Variants in NCKAP5 observed in about 807,000 individuals in gnomAD.
NCKAP5 encodes NCK associated protein 5.
A neutral mutation model predicts 167.0 loss-of-function variants in NCKAP5; 92 were observed. The ratio of observed to expected loss-of-function variants is 0.55; its 90% CI spans 0.47 to 0.66. The LOEUF is 0.66. Ranked by LOEUF, NCKAP5 falls within the 30% of genes least tolerant of loss-of-function variation. NCKAP5 has a pLI of 0.00. For missense variants in NCKAP5, 2,378 were observed against 2,315.0 expected, an observed-to-expected ratio of 1.03 and a Z score of -0.56; for synonymous variants, 891 against 877.4, an observed-to-expected ratio of 1.02 and a Z score of -0.27.
At chr2:133,609,191 C>T in the NCKAP5 span, among the ~76,000 whole-genome samples, 1 of 152,096 alleles carries the variant, frequency 6.6e-6, no homozygotes, top group East Asian at 1.9e-4. Context: ...CTCATTTTAG[C>T]CTGCTTTGTG....
chr2:133,076,180 T>C (rs1175914000), intron 6 of NCKAP5, among the ~76,000 whole-genome samples: 1 of 152,188 alleles, frequency 6.6e-6, no homozygotes, highest in Non-Finnish European at 1.5e-5. Flanking sequence ...AAAAATAAAT[T>C]AAAAACCTAC....
At chr2:133,606,027 G>A in the NCKAP5 span, among the ~76,000 whole-genome samples, 1 of 151,886 alleles carries the variant, frequency 6.6e-6, no homozygotes, top group Non-Finnish European at 1.5e-5. Context: ...AGGTTAATGT[G>A]GAAAAAAAAT....
intron 5 of NCKAP5, among the ~76,000 whole-genome samples, chr2:133,135,561 A>G (rs2082760489): frequency 6.6e-6 from 1 of 152,184 alleles, no homozygotes; most frequent in Non-Finnish European, 1.5e-5. Context: ...GTATGGAGAA[A>G]GAACTAACAG....
intron 8 of NCKAP5, among the ~76,000 whole-genome samples, chr2:132,905,408 C>A (rs907200456): frequency 2.0e-5 from 3 of 152,116 alleles, no homozygotes; most frequent in Non-Finnish European, 4.4e-5. Flanking sequence ...ATTTGTGAGT[C>A]CTCTCTTTTC....
At chr2:133,142,556 G>A (rs7561032) in intron 5 of NCKAP5, among the ~76,000 whole-genome samples, 27,438 of 151,946 alleles carry the variant, frequency 0.18, 2,701 homozygotes, top group Middle Eastern at 0.22. Context: ...GCCCTTTCTC[G>A]TTCAGAAGTG....
intron 15 of NCKAP5, among the ~76,000 whole-genome samples, 185 bp from the exon 16 acceptor site, chr2:132,774,079 G>A (rs772379855): frequency 8.5e-5 from 13 of 152,068 alleles, no homozygotes; most frequent in East Asian, 5.8e-4. Flanking sequence ...CTACTTTTCC[G>A]CACTCCATCA....
chr2:133,621,583 A>G, the NCKAP5 span, among the ~76,000 whole-genome samples: 1 of 142,338 alleles, frequency 7.0e-6, no homozygotes. Flanking sequence ...CAAGATAAAG[A>G]ATCTCTGAAC....
At chr2:133,122,346 G>A (rs931940462) in intron 6 of NCKAP5, 3 of 152,186 alleles carry the variant, frequency 2.0e-5, no homozygotes, top group African/African-American at 4.8e-5. Context: ...AGTAGGAACA[G>A]TAATGTATCA....
In NCKAP5 at chr2:133,270,000, G is replaced by A. The variant is rs116054659; in HGVS notation, c.143+33037C>T. Among the ~76,000 whole-genome samples the A allele has an allele frequency of 3.5e-3, 538 of 152,328 alleles. 1 individual carries two copies. The highest frequency in any genetic ancestry group is 6.5e-3 in the Non-Finnish European group (440 of 68,028). ...GGATGAAGTTGCTATTAATTGAAAT[G>A]AGAAAGACTATGGGTGGAGCAAATT... On this transcript the variant is annotated intron_variant, in intron 4 of 19. Transcript: ENST00000409261.
chr2:133,471,363 A>T (rs1679286359), intron 3 of NCKAP5, among the ~76,000 whole-genome samples: 5 of 141,814 alleles, frequency 3.5e-5, no homozygotes, highest in Admixed American at 2.8e-4. Flanking sequence ...AAGTGCCACT[A>T]GCAACTTGTC....
At chr2:132,845,797 C>A (rs1196723812) in intron 11 of NCKAP5, among the ~76,000 whole-genome samples, 1 of 152,168 alleles carries the variant, frequency 6.6e-6, no homozygotes, top group Non-Finnish European at 1.5e-5. Context: ...ATTTTACAAT[C>A]AGCTTGACAA....
At chr2:133,058,830 C>T (rs779473084) in intron 6 of NCKAP5, among the ~76,000 whole-genome samples, 6 of 152,154 alleles carry the variant, frequency 3.9e-5, no homozygotes, top group Non-Finnish European at 7.4e-5. Context: ...ATCAAACAGC[C>T]TTGCTTGCTA....
At position 132,672,021 on chromosome 2, in the gene NCKAP5, C is replaced by T. The variant is rs1683809886; in HGVS notation, c.*1268G>A. 6.6e-6 allele frequency: 1 copy of T among 152,564 alleles called. No individual in the cohort carries two copies. The allele number at this position is 152,564 out of a possible 1,614,324, so 9.5% of individuals were successfully genotyped here. On this transcript the variant is annotated 3_prime_UTR_variant, in exon 20 of 20. Transcript: ENST00000409261. Reference sequence around the variant, plus strand: ...TTCTATTGGGCCTAGTTTACAAGCTCCTGTACATAAGTAATTATAAATAGT... The same window carrying T: ...TTCTATTGGGCCTAGTTTACAAGCTTCTGTACATAAGTAATTATAAATAGT...
chr2:132,955,448 G>T (rs778330934), intron 8 of NCKAP5, among the ~76,000 whole-genome samples: 1 of 152,168 alleles, frequency 6.6e-6, no homozygotes, highest in African/African-American at 2.4e-5. Flanking sequence ...TTACAAGGTG[G>T]TTAAGATCAG....
In NCKAP5 at chr2:132,785,598, G is replaced by C; in HGVS notation, c.1213C>G (p.Leu405Val). ...ACTTTTCGCTTCTGTAGCTTTCTTAGCCCTTCCAAAATGTGGCTTTCCTTG... is the reference window on the plus strand; with the variant it reads ...ACTTTTCGCTTCTGTAGCTTTCTTACCCCTTCCAAAATGTGGCTTTCCTTG... Reference protein sequence around the residue: ...RIKESHILEGLRKLQKRKVLL... With the variant: ...RIKESHILEGVRKLQKRKVLL... Residue 405 changes from leucine to valine, a missense_variant, in exon 14 of 20, where the codon CTA (leucine) becomes GTA (valine). By Grantham distance (32) the Leu-to-Val change is conservative. Coordinates refer to ENST00000409261, the MANE Select transcript of NCKAP5 (RefSeq NM_207363.3). 6.3e-7 allele frequency: 1 copy of C among 1,579,558 alleles called. No homozygotes were observed. The highest frequency in any genetic ancestry group is 8.6e-7 in the Non-Finnish European group (1 of 1,165,232).
chr2:133,243,124 A>G (rs2087805702), intron 4 of NCKAP5, among the ~76,000 whole-genome samples: 1 of 152,190 alleles, frequency 6.6e-6, no homozygotes, highest in African/African-American at 2.4e-5. Context: ...TAAAAAGGCT[A>G]GGAGCAACAA....
At chr2:133,415,821 A>T (rs1332033585) in intron 3 of NCKAP5, among the ~76,000 whole-genome samples, 1 of 152,272 alleles carries the variant, frequency 6.6e-6, no homozygotes, top group East Asian at 1.9e-4. Context: ...TTCTCTTTCC[A>T]TTTTTTGAAA....
intron 11 of NCKAP5, among the ~76,000 whole-genome samples, chr2:132,811,025 A>T (rs1013163025): frequency 6.6e-6 from 1 of 152,094 alleles, no homozygotes; most frequent in Non-Finnish European, 1.5e-5. Context: ...GCCAAAAGTG[A>T]TTGTTGTCTC....
chr2:133,342,959 G>A (rs1683699259), intron 3 of NCKAP5, among the ~76,000 whole-genome samples: 1 of 152,182 alleles, frequency 6.6e-6, no homozygotes, highest in Admixed American at 6.5e-5. Context: ...ACAACTAGAT[G>A]GGAGGTAGTG....
Sources: gnomAD v4.1 joint callset for allele counts (sites outside exome capture counted in the v4.1 genomes callset) on GRCh38, gnomAD v4.1.1 for gene constraint, MANE v1.5 for transcripts, NCBI Gene and HGNC (gene_info 2026-07-23, HGNC 2026-07-21) for gene names.